The following TAOK3 variants were observed in gnomAD, a reference collection of about 807,000 sequenced individuals.
The protein encoded by TAOK3 is serine/threonine-protein kinase TAO3.
In TAOK3, 40 loss-of-function variants were observed where a neutral mutation model predicts 120.4. That is an observed-to-expected ratio of 0.33 (90% CI 0.26 to 0.43). The LOEUF is 0.43. Among genes scored for constraint, TAOK3 ranks in the 20% least tolerant of loss-of-function variants. The pLI, the probability that TAOK3 is intolerant of heterozygous loss-of-function variation, is 1.00. For missense variants in TAOK3, 821 were observed against 1,112.1 expected, an observed-to-expected ratio of 0.74 and a Z score of 3.72; for synonymous variants, 355 against 387.5, an observed-to-expected ratio of 0.92 and a Z score of 0.99.
chr12:118,232,962 T>C (rs565712014), intron 9 of TAOK3, among the ~76,000 whole-genome samples: 1 of 152,248 alleles, frequency 6.6e-6, no homozygotes, highest in South Asian at 2.1e-4. Context: ...CGCATGTTTA[T>C]TGTGGCACTA....
chr12:118,371,628 C>A lies in TAOK3; in HGVS notation c.-194+1020G>T, dbSNP rs2045896160. ...CCGCTCCACTCGTCTGCGCTGCAGC[C>A]GGTTCCTATTTGCCCGACGCCGCGA... is the stretch of plus-strand genomic sequence containing the variant. On this transcript the variant is annotated intron_variant, in intron 1 of 20. Transcript: ENST00000392533. The surrounding 1 kb of genome is among the most constrained non-coding windows in gnomAD (Gnocchi z 5.5). Among the ~76,000 whole-genome samples, 2 of 152,110 alleles carry A rather than the reference C, an allele frequency of 1.3e-5. No individual in the cohort carries two copies. Among genetic ancestry groups the A allele is most frequent in the Admixed American group, 6.5e-5 (1 of 15,276 alleles).
chr12:118,232,882 G>A (rs1483670017), intron 9 of TAOK3, among the ~76,000 whole-genome samples: 1 of 152,104 alleles, frequency 6.6e-6, no homozygotes, highest in East Asian at 1.9e-4. Context: ...TCCAGCCTGG[G>A]TAACAGAGTA....
chr12:118,161,686 T>A lies in TAOK3; in HGVS notation c.2139+102A>T. 1 of 1,438,514 alleles carries A rather than the reference T, an allele frequency of 7.0e-7. No homozygotes were observed. Among genetic ancestry groups the A allele is most frequent in the Non-Finnish European group, 9.6e-7 (1 of 1,043,352 alleles). 89.1% of individuals were successfully genotyped at this position (1,438,514 alleles called of 1,614,324 possible). ...AGATTCTGATACAATAGGTGTGGGG[T>A]GCAGAAATTTGTGATTCTGAAAAGT... On this transcript the variant is annotated intron_variant, in intron 18 of 20. Coordinates refer to ENST00000392533, the MANE Select transcript of TAOK3 (RefSeq NM_016281.4). The surrounding 1 kb of genome is among the most constrained non-coding windows in gnomAD (Gnocchi z 4.5).
chr12:118,277,074 T>A (rs1161754062), intron 1 of TAOK3, among the ~76,000 whole-genome samples: 1 of 152,230 alleles, frequency 6.6e-6, no homozygotes, highest in Admixed American at 6.5e-5. Context: ...ATTCACAATG[T>A]CTCTCCAAAT....
intron 9 of TAOK3, among the ~76,000 whole-genome samples, chr12:118,214,772 T>G (rs2038804705): frequency 6.7e-6 from 1 of 148,912 alleles, no homozygotes; most frequent in Admixed American, 6.7e-5. Context: ...TGAGATGGAG[T>G]TTCGCTCTTG....
chr12:118,366,376 A>G (rs1157021778), intron 1 of TAOK3, among the ~76,000 whole-genome samples: 1 of 152,266 alleles, frequency 6.6e-6, no homozygotes, highest in East Asian at 1.9e-4. Flanking sequence ...TTAAGAAAGC[A>G]TTCTGTCTTG....
intron 17 of TAOK3, among the ~76,000 whole-genome samples, chr12:118,167,549 T>C (rs1205711327): frequency 2.6e-5 from 4 of 151,390 alleles, no homozygotes; most frequent in African/African-American, 9.7e-5. Flanking sequence ...TGAAAAAGAA[T>C]GAAGCAGAGC....
chr12:118,337,874 G>A (rs2044430418), intron 1 of TAOK3, among the ~76,000 whole-genome samples: 1 of 152,114 alleles, frequency 6.6e-6, no homozygotes, highest in Non-Finnish European at 1.5e-5. Context: ...AAATTTCATA[G>A]ACCTAAATAT....
intron 1 of TAOK3, among the ~76,000 whole-genome samples, chr12:118,282,173 T>C (rs1457861712): frequency 6.6e-6 from 1 of 152,262 alleles, no homozygotes; most frequent in African/African-American, 2.4e-5. Flanking sequence ...GTTCTTCTTA[T>C]GTGTAGAGTT....
intron 1 of TAOK3, among the ~76,000 whole-genome samples, chr12:118,309,522 T>G (rs2043185491): frequency 6.9e-6 from 1 of 144,920 alleles, no homozygotes; most frequent in Non-Finnish European, 1.5e-5. Flanking sequence ...TTTTCTTTCC[T>G]TTTTTTTTTT....
At chr12:118,343,794 C>T (rs1216789729) in intron 1 of TAOK3, among the ~76,000 whole-genome samples, 4 of 151,876 alleles carry the variant, frequency 2.6e-5, no homozygotes, top group Non-Finnish European at 5.9e-5. Flanking sequence ...AGGTGGATCA[C>T]GAGGTCAGGA....
intron 1 of TAOK3, among the ~76,000 whole-genome samples, chr12:118,272,086 C>A (rs1310083294): frequency 6.6e-6 from 1 of 151,950 alleles, no homozygotes; most frequent in Non-Finnish European, 1.5e-5. Flanking sequence ...GAAATGGAAA[C>A]CTTCTAACAA....
In TAOK3 at chr12:118,246,723, C is replaced by A. The variant is rs946148213; in HGVS notation, c.121-1758G>T. 13 of 1,588,818 alleles carry A rather than the reference C, an allele frequency of 8.2e-6. No homozygotes were observed. In the Admixed American group the frequency reaches 8.4e-5, roughly 10 times the overall value. On this transcript the variant is annotated intron_variant, in intron 3 of 20. Transcript: ENST00000392533. ...CTCCGCACCTGTGCCTAAGAAGCTG[C>A]TCATGATGGCTGGTATCGATGACTG... is the stretch of plus-strand genomic sequence containing the variant.
intron 15 of TAOK3, among the ~76,000 whole-genome samples, chr12:118,179,677 T>C (rs2036574357): frequency 6.6e-6 from 1 of 151,426 alleles, no homozygotes; most frequent in Non-Finnish European, 1.5e-5. Context: ...GGAGTCTTGT[T>C]CTTGTTGCCC....
chr12:118,284,899 A>G (rs1201027318), intron 1 of TAOK3, among the ~76,000 whole-genome samples: 2 of 152,132 alleles, frequency 1.3e-5, no homozygotes. Flanking sequence ...AAAGGTTAAA[A>G]TGACTTCCTT....
intron 1 of TAOK3, among the ~76,000 whole-genome samples, chr12:118,270,655 C>T (rs1237136661): frequency 6.6e-6 from 1 of 150,420 alleles, no homozygotes; most frequent in Non-Finnish European, 1.5e-5. Context: ...TTCTTACAGT[C>T]CAGCTAAATG....
chr12:118,198,129 CT>C (rs1264806140), intron 13 of TAOK3, among the ~76,000 whole-genome samples: 1 of 152,044 alleles, frequency 6.6e-6, no homozygotes, highest in East Asian at 1.9e-4. Flanking sequence ...CTCTCTGGTC[CT>C]GAGGCACTGT....
chr12:118,269,498 G>C (rs567520146), intron 1 of TAOK3, among the ~76,000 whole-genome samples: 1 of 147,590 alleles, frequency 6.8e-6, no homozygotes, highest in East Asian at 2.0e-4. Context: ...AGCCTTCCAA[G>C]TAGCTGGGAT....
At chr12:118,314,065 A>G (rs947941830) in intron 1 of TAOK3, among the ~76,000 whole-genome samples, 10 of 152,198 alleles carry the variant, frequency 6.6e-5, no homozygotes, top group African/African-American at 2.4e-4. Context: ...TAACAGTGAC[A>G]TTTTAATTTC....
Sources: gnomAD v4.1 joint callset for allele counts (sites outside exome capture counted in the v4.1 genomes callset) on GRCh38, gnomAD v4.1.1 for gene constraint, Gnocchi (gnomAD v3.1) non-coding constraint, MANE v1.5 for transcripts, NCBI Gene and HGNC (gene_info 2026-07-23, HGNC 2026-07-21) for gene names.